Variants in HID1 observed in about 807,000 individuals in gnomAD.
The protein encoded by HID1 is protein HID1.
A neutral mutation model predicts 89.7 loss-of-function variants in HID1; 42 were observed. The observed-to-expected ratio is 0.47, with a 90% confidence interval of 0.37 to 0.61. HID1 has a LOEUF of 0.61. Among genes scored for constraint, HID1 ranks in the 20% least tolerant of loss-of-function variants. The pLI, the probability that HID1 is intolerant of heterozygous loss-of-function variation, is 0.00. For missense variants in HID1, 854 were observed against 1,039.3 expected (o/e 0.82, Z 2.45); for synonymous variants, 442 against 433.8 (o/e 1.02, Z -0.24).
In HID1 at chr17:74,954,254, CG is replaced by C; in HGVS notation, c.1747del (p.Arg583GlyfsTer44). ...TIHKALQRRR[R>X]TPEPLSRTGS... is the part of the protein sequence containing the mutation. ...GGTGCGAGACAAGGGCTCAGGTGTCCGCCGGCGCCGCTGCAGGGCCTTGTGA... is the reference window on the plus strand; with the variant it reads ...GGTGCGAGACAAGGGCTCAGGTGTCCCCGGCGCCGCTGCAGGGCCTTGTGA... On this transcript the variant is annotated frameshift_variant, in exon 14 of 19. Transcript: ENST00000425042. LOFTEE classifies it high-confidence loss of function. The C allele has an allele frequency of 6.3e-7, 1 of 1,587,836 alleles. No homozygotes were observed. The highest frequency in any genetic ancestry group is 8.6e-7 in the Non-Finnish European group (1 of 1,168,102).
chr17:74,960,529 C>T (rs1186517622), intron 6 of HID1, among the ~76,000 whole-genome samples: 3 of 152,212 alleles, frequency 2.0e-5, no homozygotes, highest in Admixed American at 6.5e-5. Context: ...GCAGAGCCCA[C>T]GCTCAGCCAA....
intron 12 of HID1, among the ~76,000 whole-genome samples, chr17:74,956,162 CT>C (rs1206718512): frequency 1.3e-5 from 2 of 152,154 alleles, no homozygotes; most frequent in Non-Finnish European, 2.9e-5. Context: ...ACCCTCACCC[CT>C]CGACCATGAA....
rs371605312 is a variant in HID1, at chr17:74,952,038, G to C, written c.2170C>G (p.Leu724Val). Residue 724 changes from leucine to valine, a missense_variant, in exon 18 of 19, where the codon CTG (leucine) becomes GTG (valine). By Grantham distance (32) the Leu-to-Val change is conservative. Transcript: ENST00000425042. ...AGGGTGCCATGCTGCAGGAACCGCA[G>C]GATCTCAGACTCATCCGTCAGGCCC... ...DKGLTDESEI[L>V]RFLQHGTLVG... 3.8e-6 allele frequency: 6 copies of C among 1,558,532 alleles called. No homozygotes were observed. In the East Asian group the frequency reaches 7.1e-5, roughly 18 times the overall value.
chr17:74,953,604 A>C lies in HID1; in HGVS notation c.1912T>G (p.Leu638Val). The C allele has an allele frequency of 2.5e-6, 4 of 1,614,086 alleles. No individual in the cohort carries two copies. Among genetic ancestry groups the C allele is most frequent in the Non-Finnish European group, 2.5e-6 (3 of 1,179,980 alleles). ...EKSQVSEDGT[L>V]RSLEPEPQQS... is the part of the protein sequence containing the mutation. ...TGGGGCTCAGGTTCCAGGGACCGCA[A>C]GGTGCCATCCTCTGACACCTGGGAC... Residue 638 changes from leucine to valine, a missense_variant, in exon 15 of 19, where the codon TTG (leucine) becomes GTG (valine). Transcript: ENST00000425042.
At chr17:74,971,901 G>C (rs1327949095) in intron 1 of HID1, among the ~76,000 whole-genome samples, 1 of 152,160 alleles carries the variant, frequency 6.6e-6, no homozygotes, top group Non-Finnish European at 1.5e-5. Context: ...CCAGAGAACA[G>C]AGCACACAGG....
intron 13 of HID1, chr17:74,955,115 T>G (rs2039368598): frequency 6.5e-6 from 1 of 154,922 alleles, no homozygotes; most frequent in African/African-American, 2.4e-5. Context: ...ATCAGAGAGG[T>G]CAAGTGACGT....
At chr17:74,965,256 C>CTCTATGCTG (rs2039544822) in intron 1 of HID1, among the ~76,000 whole-genome samples, 1 of 152,222 alleles carries the variant, frequency 6.6e-6, no homozygotes, top group Non-Finnish European at 1.5e-5. Flanking sequence ...CTCTTTCAAC[C>CTCTATGCTG]CTGCCTCTAT....
intron 1 of HID1, among the ~76,000 whole-genome samples, chr17:74,968,200 C>T (rs935404068): frequency 1.3e-5 from 2 of 152,038 alleles, no homozygotes; most frequent in South Asian, 2.1e-4. Context: ...TGGGAACCTC[C>T]GGCCCCACCC....
chr17:74,961,584 C>CT (rs59599992), intron 6 of HID1: 53,834 of 185,454 alleles, frequency 0.29, 8,190 homozygotes, highest in Admixed American at 0.39. Context: ...TACTTTTTAA[C>CT]TTTTTTAATT....
Position 74,963,070 on chromosome 17 carries a change from C to G in HID1, c.399G>C (p.Glu133Asp), listed in dbSNP as rs1315783003. ...PGAGRGGQGEEDDEHARPLAE... is the reference protein window; with the variant it reads ...PGAGRGGQGEDDDEHARPLAE... The stretch of plus-strand genomic sequence containing the variant: ...CCAGGGGCCTGGCATGCTCATCATC[C>G]TCTTCTCCCTGCTGGGGACACAGCA... The change falls in exon 4 of 19, where the codon GAG becomes GAC. Residue 133 changes from glutamate to aspartate, a missense_variant. Coordinates refer to ENST00000425042, the MANE Select transcript of HID1 (RefSeq NM_030630.3). 1.9e-6 allele frequency: 3 copies of G among 1,607,574 alleles called. No homozygotes were observed. Among genetic ancestry groups the G allele is most frequent in the Non-Finnish European group, 2.5e-6 (3 of 1,176,658 alleles).
At chr17:74,964,657 G>A (rs751158924) in intron 1 of HID1, 25 bp from the exon 2 acceptor site, 9 of 1,604,070 alleles carry the variant, frequency 5.6e-6, no homozygotes, top group Non-Finnish European at 7.7e-6. Context: ...AGGGTCCAGA[G>A]TTACACAACT....
At position 74,959,122 on chromosome 17, in the gene HID1, C is replaced by A; in HGVS notation, c.1009-71G>T. ...CAGCTCCAGTTTCCCAGCCCAGGCC[C>A]CCAACAAATCCCCCCCTCCATCCCC... On this transcript the variant is annotated intron_variant, in intron 8 of 18. Transcript: ENST00000425042. The surrounding 1 kb of genome is among the most constrained non-coding windows in gnomAD (Gnocchi z 4.6). The A allele has an allele frequency of 6.9e-7, 1 of 1,450,670 alleles. No homozygotes were observed. The highest frequency in any genetic ancestry group is 1.5e-5 in the South Asian group (1 of 67,170). 89.9% of individuals were successfully genotyped at this position (1,450,670 alleles called of 1,614,324 possible).
chr17:74,964,007 C>G, intron 2 of HID1, 97 bp from the exon 3 acceptor site: 1 of 1,290,176 alleles, frequency 7.8e-7, no homozygotes, highest in Non-Finnish European at 1.1e-6. Flanking sequence ...AGAGGAGGGT[C>G]AGGGGGGGCA....
At chr17:74,957,660 G>A (rs1011712384) in intron 12 of HID1, among the ~76,000 whole-genome samples, 3 of 151,802 alleles carry the variant, frequency 2.0e-5, no homozygotes, top group East Asian at 3.9e-4. Context: ...AGCACTTTGG[G>A]AGGCTGAGGT....
Position 74,951,919 on chromosome 17 carries a change from G to C in HID1, c.2289C>G (p.Gly763=), listed in dbSNP as rs761911151. ...TAMWFRTYMW[G]VIYLRNVDPP... ...CCGGGGCCCACCTCAGATAGATGAC[G>C]CCCCACATGTAGGTGCGGAACCACA... The change falls in exon 18 of 19, where the codon GGC becomes GGG. Residue 763 remains glycine, a synonymous_variant. Coordinates refer to ENST00000425042, the MANE Select transcript of HID1 (RefSeq NM_030630.3). 1 of 1,532,122 alleles carries C rather than the reference G, an allele frequency of 6.5e-7. No homozygotes were observed. The highest frequency in any genetic ancestry group is 8.8e-7 in the Non-Finnish European group (1 of 1,137,528). The allele number at this position is 1,532,122 out of a possible 1,614,324, so 94.9% of individuals were successfully genotyped here.
At position 74,958,452 on chromosome 17, in the gene HID1, C is replaced by T. The variant is rs754238751; in HGVS notation, c.1267G>A (p.Val423Ile). The T allele has an allele frequency of 3.1e-6, 5 of 1,599,042 alleles. No homozygotes were observed. Among genetic ancestry groups the T allele is most frequent in the African/African-American group, 1.3e-5 (1 of 74,684 alleles). ...CCGCTCAGAAGCAGCAAGATGAAGA[C>T]ACCAATGTGCATCAGGCCCACCCGA... ...QSRVGLMHIGVFILLLLSGER... is the reference protein window; with the variant it reads ...QSRVGLMHIGIFILLLLSGER... The change falls in exon 11 of 19, where the codon GTC becomes ATC. Residue 423 changes from valine (V) to isoleucine (I), a missense_variant. Physicochemically the swap from Val to Ile is conservative, Grantham distance 29 (BLOSUM62 3). Transcript: ENST00000425042. This position sits in a 1 kb window ranked among gnomAD's most constrained non-coding sequence, Gnocchi z 5.2.
At chr17:74,954,511 G>C in intron 13 of HID1, 146 bp from the exon 14 acceptor site, 8 of 1,414,762 alleles carry the variant, frequency 5.7e-6, no homozygotes, top group Non-Finnish European at 7.6e-6. Context: ...GCCCAAGAGA[G>C]GGTGCTGGGG....
chr17:74,964,463 A>G lies in HID1; in HGVS notation c.216+20T>C. ...GCTGGGAGGGTGGAAGAGTAGCAGG[A>G]GGGACTGGGCAGCCCTCACCTTGTA... On this transcript the variant is annotated intron_variant, in intron 2 of 18. Coordinates refer to ENST00000425042, the MANE Select transcript of HID1 (RefSeq NM_030630.3). The G allele has an allele frequency of 6.2e-7, 1 of 1,603,322 alleles. No individual in the cohort carries two copies. The highest frequency in any genetic ancestry group is 8.5e-7 in the Non-Finnish European group (1 of 1,175,068).
chr17:74,960,363 G>A (rs1357154654), intron 6 of HID1, 115 bp from the exon 7 acceptor site: 25 of 853,012 alleles, frequency 2.9e-5, no homozygotes, highest in Middle Eastern at 3.4e-4. Flanking sequence ...TTAGCACCAC[G>A]TCAGGGAGTG....
Sources: gnomAD v4.1 joint callset for allele counts (sites outside exome capture counted in the v4.1 genomes callset) on GRCh38, gnomAD v4.1.1 for gene constraint, Gnocchi (gnomAD v3.1) non-coding constraint, MANE v1.5 for transcripts, NCBI Gene and HGNC (gene_info 2026-07-23, HGNC 2026-07-21) for gene names.